Variants in SMC6 observed in about 807,000 individuals in gnomAD.
SMC6 encodes structural maintenance of chromosomes protein 6.
SMC6 carries 79 observed loss-of-function variants against 142.2 expected under a neutral mutation model. That is an observed-to-expected ratio of 0.56 (90% CI 0.46 to 0.67). The LOEUF is 0.67. Ranked by LOEUF, SMC6 falls within the 30% of genes least tolerant of loss-of-function variation. The pLI is 0.00. For missense variants in SMC6, 1,072 were observed against 1,284.0 expected, an observed-to-expected ratio of 0.83 and a Z score of 2.52; for synonymous variants, 411 against 412.4, an observed-to-expected ratio of 1.00 and a Z score of 0.04.
At chr2:17,717,359 A>G (rs1248124138) in intron 12 of SMC6, among the ~76,000 whole-genome samples, 183 bp from the exon 13 acceptor site, 2 of 152,214 alleles carry the variant, frequency 1.3e-5, no homozygotes, top group African/African-American at 4.8e-5. Flanking sequence ...ATTTCAACTC[A>G]GGTACAAAAT....
rs778156381 is a variant in SMC6, at chr2:17,726,342, A to G, written c.624+47T>C. 5.5e-6 allele frequency: 8 copies of G among 1,458,284 alleles called. No homozygotes were observed. The South Asian group carries it at 8.4e-5, about 15-fold the overall frequency. The allele number at this position is 1,458,284 out of a possible 1,614,324, so 90.3% of individuals were successfully genotyped here. On this transcript the variant is annotated intron_variant, in intron 8 of 27. Transcript: ENST00000448223. Reference sequence around the variant, plus strand: ...AATAATATTGTTTACAATATGCCTAAAGGTATTCTTTTTAAATGGGTTTAT... The same window carrying G: ...AATAATATTGTTTACAATATGCCTAGAGGTATTCTTTTTAAATGGGTTTAT...
intron 9 of SMC6, among the ~76,000 whole-genome samples, chr2:17,723,281 C>T (rs1013925866): frequency 2.0e-4 from 31 of 152,192 alleles, no homozygotes; most frequent in African/African-American, 6.8e-4. Flanking sequence ...TTCCACATCT[C>T]TTCTCTCCTT....
chr2:17,676,529 C>T (rs966408175), intron 25 of SMC6, among the ~76,000 whole-genome samples: 1 of 152,036 alleles, frequency 6.6e-6, no homozygotes, highest in Non-Finnish European at 1.5e-5. Context: ...CTATTTTAGG[C>T]CCTTTGCATT....
At chr2:17,694,744 G>A (rs1293898190) in intron 23 of SMC6, among the ~76,000 whole-genome samples, 3 of 119,746 alleles carry the variant, frequency 2.5e-5, no homozygotes, top group Non-Finnish European at 5.3e-5. Context: ...AAGAGCATCT[G>A]TTTTTATCAG....
chr2:17,747,599 G>C (rs1030229989), intron 2 of SMC6, among the ~76,000 whole-genome samples: 1 of 150,906 alleles, frequency 6.6e-6, no homozygotes, highest in Admixed American at 6.6e-5. Context: ...TCCACCTCCT[G>C]GGTTCAAGCG....
At chr2:17,744,678 A>G (rs745873508) in intron 3 of SMC6, among the ~76,000 whole-genome samples, 3 of 152,206 alleles carry the variant, frequency 2.0e-5, no homozygotes, top group African/African-American at 4.8e-5. Context: ...AAAGTATCCA[A>G]TGTTTTACCA....
intron 23 of SMC6, among the ~76,000 whole-genome samples, chr2:17,691,246 AC>A (rs1422875787): frequency 7.0e-6 from 1 of 141,884 alleles, no homozygotes; most frequent in Non-Finnish European, 1.6e-5. Flanking sequence ...ACACACACAC[AC>A]ACACACACAC....
chr2:17,738,133 TC>T, intron 5 of SMC6, 87 bp downstream of exon 5: 1 of 946,242 alleles, frequency 1.1e-6, no homozygotes, highest in Admixed American at 2.2e-5. Context: ...GCACTTCATT[TC>T]CAGTCATGTC....
chr2:17,710,826 T>C (rs961402793), intron 16 of SMC6, among the ~76,000 whole-genome samples: 2 of 151,900 alleles, frequency 1.3e-5, no homozygotes, highest in Admixed American at 1.3e-4. Flanking sequence ...AGAAAGAAGG[T>C]AGAAAGAAAT....
At chr2:17,751,931 A>G (rs182411959) in intron 2 of SMC6, among the ~76,000 whole-genome samples, 20 of 152,334 alleles carry the variant, frequency 1.3e-4, no homozygotes, top group Non-Finnish European at 2.4e-4. Flanking sequence ...AATTCTACAG[A>G]TTCAGTAAAA....
chr2:17,703,935 T>C (rs1203772045), intron 18 of SMC6, among the ~76,000 whole-genome samples: 1 of 152,060 alleles, frequency 6.6e-6, no homozygotes, highest in African/African-American at 2.4e-5. Flanking sequence ...AACAGTAGGC[T>C]ATTAAGTTTT....
At chr2:17,685,756 A>C (rs1454913083) in intron 23 of SMC6, among the ~76,000 whole-genome samples, 1 of 152,114 alleles carries the variant, frequency 6.6e-6, no homozygotes, top group Non-Finnish European at 1.5e-5. Flanking sequence ...ACTATGACCC[A>C]AAATCCAGAT....
chr2:17,718,076 C>T lies in SMC6; in HGVS notation c.1092+1G>A. Reference sequence around the variant, plus strand: ...ATTCCAGTTTAGAAAATTTATCTCACCTCAGCTTCATTATAGGCCCTTTTC... The same window carrying T: ...ATTCCAGTTTAGAAAATTTATCTCATCTCAGCTTCATTATAGGCCCTTTTC... On this transcript the variant is annotated splice_donor_variant, in intron 12 of 27. Coordinates refer to ENST00000448223, the MANE Select transcript of SMC6 (RefSeq NM_001142286.2). LOFTEE classifies it high-confidence loss of function. 2.0e-6 allele frequency: 3 copies of T among 1,474,878 alleles called. No homozygotes were observed. The highest frequency in any genetic ancestry group is 1.9e-6 in the Non-Finnish European group (2 of 1,069,060). The allele number at this position is 1,474,878 out of a possible 1,614,324, so 91.4% of individuals were successfully genotyped here.
At chr2:17,715,970 T>C in intron 15 of SMC6, 116 bp downstream of exon 15, 3 of 889,598 alleles carry the variant, frequency 3.4e-6, no homozygotes, top group Non-Finnish European at 4.7e-6. Flanking sequence ...CAAAGCTTTA[T>C]ATAATTTCAT....
At chr2:17,746,494 A>C (rs1219951983) in intron 2 of SMC6, 1 of 152,206 alleles carries the variant, frequency 6.6e-6, no homozygotes, top group African/African-American at 2.4e-5. Flanking sequence ...CAAGTTATAA[A>C]GTAATCAGAT....
Position 17,741,724 on chromosome 2 carries a change from T to G in SMC6, c.126A>C (p.Ala42=). 6.3e-7 allele frequency: 1 copy of G among 1,596,934 alleles called. No individual in the cohort carries two copies. The highest frequency in any genetic ancestry group is 8.6e-7 in the Non-Finnish European group (1 of 1,168,988). The part of the protein sequence containing the change: ...EDECKGTTLT[A]AEVGIIESIH... Reference sequence around the variant, plus strand: ...TACTCTCAATTATTCCAACTTCTGCTGCAGTCTATTAATAAAAAACAATGG... The same window carrying G: ...TACTCTCAATTATTCCAACTTCTGCGGCAGTCTATTAATAAAAAACAATGG... Residue 42 remains alanine, a synonymous_variant, in exon 4 of 28, where the codon GCA becomes GCC. Coordinates refer to ENST00000448223, the MANE Select transcript of SMC6 (RefSeq NM_001142286.2).
Position 17,683,783 on chromosome 2 carries a change from T to TTACGTAAAAAA in SMC6, c.2679-31_2679-21dup. ...TACTGCCTATTATATAAACAAAATA[T>TTACGTAAAAAA]TACGTAAAAAATACACCACACGTAA... On this transcript the variant is annotated intron_variant, in intron 23 of 27. Transcript: ENST00000448223. 6.3e-7 allele frequency: 1 copy of TTACGTAAAAAA among 1,598,690 alleles called. No individual in the cohort carries two copies. Among genetic ancestry groups the TTACGTAAAAAA allele is most frequent in the Non-Finnish European group, 8.5e-7 (1 of 1,170,378 alleles).
At chr2:17,731,341 T>C (rs1669905857) in intron 6 of SMC6, among the ~76,000 whole-genome samples, 1 of 152,248 alleles carries the variant, frequency 6.6e-6, no homozygotes, top group South Asian at 2.1e-4. Flanking sequence ...ATGGTGCTTA[T>C]CTTGTTCCCA....
chr2:17,704,099 C>CAA (rs1182614837), intron 18 of SMC6, among the ~76,000 whole-genome samples: 65 of 133,022 alleles, frequency 4.9e-4, no homozygotes, highest in African/African-American at 1.7e-3. Context: ...GATGTAACTC[C>CAA]AAAAAAAAAA....
Sources: allele counts gnomAD v4.1 joint callset (sites outside exome capture counted in the v4.1 genomes callset), GRCh38; gene constraint gnomAD v4.1.1; transcripts MANE v1.5; gene names NCBI Gene and HGNC (gene_info 2026-07-23, HGNC 2026-07-21).